MS4A6A: variants seen among roughly 807,000 people sequenced by gnomAD.
MS4A6A encodes the protein membrane spanning 4-domains A6A, also known as membrane-spanning 4-domains subfamily A member 6A.
Under a neutral mutation model 20.6 loss-of-function variants are expected in MS4A6A, and 19 were observed. That is an observed-to-expected ratio of 0.92 (90% CI 0.64 to 1.36). MS4A6A has a LOEUF of 1.36. Among genes scored for constraint, MS4A6A ranks in the 40% most tolerant of loss-of-function variants. MS4A6A has a pLI of 0.00. For synonymous variants in MS4A6A, 108 were observed against 105.0 expected (o/e 1.03, Z -0.17); for missense variants, 272 against 261.1 (o/e 1.04, Z -0.29).
chr11:60,179,786 C>T, intron 3 of MS4A6A, 45 bp downstream of exon 3: 1 of 1,611,966 alleles, frequency 6.2e-7, no homozygotes, highest in Non-Finnish European at 8.5e-7. Context: ...TGGCATCTTC[C>T]TCCCCTCTTT....
intron 4 of MS4A6A, chr11:60,177,983 A>G: frequency 2.6e-6 from 1 of 386,240 alleles, no homozygotes; most frequent in Non-Finnish European, 4.6e-6. Context: ...AAAGAACCTC[A>G]TAAACAGGCA....
downstream of MS4A6A, chr11:60,172,435 T>C: frequency 6.1e-6 from 8 of 1,305,052 alleles, no homozygotes; most frequent in Non-Finnish European, 7.8e-6. Flanking sequence ...CACTCTATAA[T>C]ACAATTTTGG....
At position 60,179,908 on chromosome 11, in the gene MS4A6A, C is replaced by G; in HGVS notation, c.205G>C (p.Ala69Pro). ...TGGGTAAAATTTGGAGAGAAGGAAG[C>G]AGATGCCAAAATGATCCCCAAGCTC... ...VLSLGIILAS[A>P]SFSPNFTQVT... The change falls in exon 3 of 6, where the codon GCT (alanine) becomes CCT (proline). Residue 69 changes from alanine to proline, a missense_variant. Coordinates refer to ENST00000528851, the MANE Select transcript of MS4A6A (RefSeq NM_022349.4). 1 of 1,614,028 alleles carries G rather than the reference C, an allele frequency of 6.2e-7. No individual in the cohort carries two copies. Among genetic ancestry groups the G allele is most frequent in the Non-Finnish European group, 8.5e-7 (1 of 1,179,956 alleles).
Position 60,173,079 on chromosome 11 carries a change from A to G in MS4A6A, c.600T>C (p.Ala200=). ...LICTLLEFCL[A]VLTAVLRWKQ... ...TCCACCGCAGCACAGCAGTGAGCAC[A>G]GCTAGGCAGAATTCCAGCAGAGTGC... Residue 200 remains alanine (A), a synonymous_variant, in exon 6 of 6, where the codon GCT becomes GCC. Transcript: ENST00000528851. 1.9e-6 allele frequency: 3 copies of G among 1,614,150 alleles called. No homozygotes were observed. The highest frequency in any genetic ancestry group is 2.5e-6 in the Non-Finnish European group (3 of 1,179,992).
intron 3 of MS4A6A, chr11:60,179,503 G>C: frequency 2.0e-6 from 1 of 499,432 alleles, no homozygotes; most frequent in Non-Finnish European, 3.5e-6. Flanking sequence ...TTTTTTTTTT[G>C]TATAAAATGT....
chr11:60,176,718 C>A (rs905777050), intron 4 of MS4A6A, among the ~76,000 whole-genome samples: 1 of 152,104 alleles, frequency 6.6e-6, no homozygotes, highest in Non-Finnish European at 1.5e-5. Context: ...ATTCTTGATG[C>A]CTAGAGTCTA....
At position 60,172,638 on chromosome 11, in the gene MS4A6A, G is replaced by C. The variant is rs1417262775; in HGVS notation, c.*363C>G. ...CCTTTACCAAGTCAATACTATTAAA[G>C]AGACTAGTGGTTGTGGCAGAAATTG... On this transcript the variant is annotated 3_prime_UTR_variant, in exon 6 of 6. Transcript: ENST00000528851. The C allele has an allele frequency of 1.7e-6, 2 of 1,151,608 alleles. No individual in the cohort carries two copies. Among genetic ancestry groups the C allele is most frequent in the African/African-American group, 3.2e-5 (2 of 63,316 alleles). The allele number at this position is 1,151,608 out of a possible 1,614,324, so 71.3% of individuals were successfully genotyped here.
chr11:60,171,813 T>C (rs146927546), downstream of MS4A6A, among the ~76,000 whole-genome samples: 743 of 152,336 alleles, frequency 4.9e-3, 10 homozygotes, highest in African/African-American at 0.017. Context: ...TTTGCTTCAC[T>C]GTGATCCATT....
In MS4A6A at chr11:60,175,596, C is replaced by A. The variant is rs1314712223; in HGVS notation, c.355G>T (p.Val119Phe). 1.2e-5 allele frequency: 19 copies of A among 1,613,446 alleles called. No homozygotes were observed. The highest frequency in any genetic ancestry group is 1.4e-5 in the Non-Finnish European group (16 of 1,180,000). Residue 119 changes from valine (V) to phenylalanine (F), a missense_variant, in exon 5 of 6, where the codon GTT (valine) becomes TTT (phenylalanine). Transcript: ENST00000528851. ...LTKLLVHSSL[V>F]GSILSALSAL... ...GACAGAGCACTCAGAATGCTTCCAA[C>A]CAGGCTGCTATGCACCTGAAAGAGA...
rs762785825 is a variant in MS4A6A at position 60,173,056 on chromosome 11, C to T, written c.623G>A (p.Trp208Ter). 5 of 1,614,106 alleles carry T rather than the reference C, an allele frequency of 3.1e-6. No homozygotes were observed. Among genetic ancestry groups the T allele is most frequent in the South Asian group, 1.1e-5 (1 of 91,084 alleles). Residue 208 changes from tryptophan (W) to a stop codon, truncating the protein, a stop_gained, in exon 6 of 6, where the codon TGG becomes TAG. Coordinates refer to ENST00000528851, the MANE Select transcript of MS4A6A (RefSeq NM_022349.4). LOFTEE classifies it high-confidence loss of function. ...CLAVLTAVLRWKQAYSDFPGV... is the reference protein window; with the variant it reads ...CLAVLTAVLR ...AGGGAAGTCAGAGTAAGCCTGTTTC[C>T]ACCGCAGCACAGCAGTGAGCACAGC...
chr11:60,176,542 A>C (rs1337207120), intron 4 of MS4A6A, among the ~76,000 whole-genome samples: 1 of 149,532 alleles, frequency 6.7e-6, no homozygotes, highest in Non-Finnish European at 1.5e-5. Flanking sequence ...CTATAGTTAC[A>C]GGTAGGTAGG....
At position 60,181,683 on chromosome 11, in the gene MS4A6A, T is replaced by C; in HGVS notation, c.45A>G (p.Pro15=). The part of the protein sequence containing the change: ...PVPNETIIVL[P]SNVINFSQAE... The stretch of plus-strand genomic sequence containing the variant: ...CTTGGGAGAAGTTGATGACATTTGA[T>C]GGGAGCACTATGATGGTCTCATTGG... The change falls in exon 2 of 6, where the codon CCA becomes CCG. Residue 15 remains proline, a synonymous_variant. Coordinates refer to ENST00000528851, the MANE Select transcript of MS4A6A (RefSeq NM_022349.4). 6.2e-7 allele frequency: 1 copy of C among 1,614,122 alleles called. No individual in the cohort carries two copies. Among genetic ancestry groups the C allele is most frequent in the Non-Finnish European group, 8.5e-7 (1 of 1,179,988 alleles).
chr11:60,175,706 C>A, intron 4 of MS4A6A, 95 bp from the exon 5 acceptor site: 2 of 1,320,402 alleles, frequency 1.5e-6, no homozygotes, highest in South Asian at 1.3e-5. Flanking sequence ...CCTTATCTGT[C>A]CCCTCAGGAG....
chr11:60,181,872 A>G, intron 1 of MS4A6A, 131 bp from the exon 2 acceptor site: 1 of 863,694 alleles, frequency 1.2e-6, no homozygotes, highest in East Asian at 2.5e-5. Flanking sequence ...AACTGATAGT[A>G]TGGAACAGTG....
chr11:60,172,160 A>C (rs1387404525), downstream of MS4A6A: 3 of 1,608,038 alleles, frequency 1.9e-6, no homozygotes, highest in Admixed American at 3.4e-5. Flanking sequence ...CTTTTTTCTT[A>C]AGAAGTCAAT....
chr11:60,182,124 C>A (rs1857165742), intron 1 of MS4A6A, among the ~76,000 whole-genome samples: 1 of 152,176 alleles, frequency 6.6e-6, no homozygotes, highest in South Asian at 2.1e-4. Flanking sequence ...ACTCTGCTTA[C>A]TTATTTCTTG....
chr11:60,173,174 A>G, intron 5 of MS4A6A, 45 bp from the exon 6 acceptor site: 1 of 1,561,102 alleles, frequency 6.4e-7, no homozygotes, highest in Non-Finnish European at 8.8e-7. Context: ...AGGTCAGCTG[A>G]AGCCTTCATG....
Position 60,172,975 on chromosome 11 carries a change from G to T in MS4A6A, c.*26C>A, listed in dbSNP as rs1307247331. On this transcript the variant is annotated 3_prime_UTR_variant, in exon 6 of 6. Coordinates refer to ENST00000528851, the MANE Select transcript of MS4A6A (RefSeq NM_022349.4). The stretch of plus-strand genomic sequence containing the variant: ...CTCTTGGTGACATACTCAACACAGT[G>T]CAGGGATAAGATACACTAGGCAAGG... 2 of 1,613,378 alleles carry T rather than the reference G, an allele frequency of 1.2e-6. No individual in the cohort carries two copies. Among genetic ancestry groups the T allele is most frequent in the South Asian group, 1.1e-5 (1 of 91,048 alleles).
At chr11:60,184,036 T>C (rs1295398021), upstream of MS4A6A, 1 of 152,270 alleles carries the variant, frequency 6.6e-6, no homozygotes, top group Non-Finnish European at 1.5e-5. Flanking sequence ...CCTCCTTTCC[T>C]TGGGGGAGCT....
Sources: gnomAD v4.1 joint callset for allele counts (sites outside exome capture counted in the v4.1 genomes callset) on GRCh38, gnomAD v4.1.1 for gene constraint, MANE v1.5 for transcripts, NCBI Gene and HGNC (gene_info 2026-07-23, HGNC 2026-07-21) for gene names.